SEC14L5: variants seen among roughly 807,000 people sequenced by gnomAD.
SEC14L5 encodes the protein SEC14-like protein 5.
Under a neutral mutation model 84.6 loss-of-function variants are expected in SEC14L5, and 96 were observed. The observed-to-expected ratio is 1.13, with a 90% confidence interval of 0.96 to 1.34. The LOEUF is 1.34. Ranked by LOEUF, SEC14L5 falls within the 40% of genes most tolerant of loss-of-function variation. SEC14L5 has a pLI of 0.00. For synonymous variants in SEC14L5, 546 were observed against 383.4 expected, an observed-to-expected ratio of 1.42 and a Z score of -4.95; for missense variants, 1,224 against 942.5, an observed-to-expected ratio of 1.30 and a Z score of -3.91.
intron 2 of SEC14L5, among the ~76,000 whole-genome samples, chr16:4,969,155 A>C (rs1444409169): frequency 6.6e-6 from 1 of 152,276 alleles, no homozygotes; most frequent in Non-Finnish European, 1.5e-5. Flanking sequence ...CTGGGAGAAC[A>C]GAGGTGATCC....
chr16:4,965,757 T>G (rs1178199855), intron 2 of SEC14L5, among the ~76,000 whole-genome samples: 1 of 147,146 alleles, frequency 6.8e-6, no homozygotes, highest in Non-Finnish European at 1.5e-5. Flanking sequence ...AAATTTTATT[T>G]AAGGCCAGTT....
At chr16:4,989,296 G>A (rs903452807) in intron 4 of SEC14L5, among the ~76,000 whole-genome samples, 7 of 136,946 alleles carry the variant, frequency 5.1e-5, no homozygotes, top group South Asian at 5.9e-4. Flanking sequence ...ACCATTGTAC[G>A]TGTTTTTTTT....
chr16:4,976,493 T>A (rs1955341692), intron 2 of SEC14L5, among the ~76,000 whole-genome samples: 1 of 152,254 alleles, frequency 6.6e-6, no homozygotes, highest in African/African-American at 2.4e-5. Flanking sequence ...TAGGCCCACC[T>A]GAGTGCTAGT....
rs927479008 is a variant in SEC14L5, at chr16:5,017,794, A to T, written c.*2824A>T. The stretch of plus-strand genomic sequence containing the variant: ...TCTCGGGGACCCACGTGGAAGCATT[A>T]TCAAGGTCATTCTTCTTGCCTTCGG... On this transcript the variant is annotated 3_prime_UTR_variant, in exon 16 of 16. Transcript: ENST00000251170. 6.6e-6 allele frequency: 1 copy of T among 152,082 alleles called. No homozygotes were observed. Among genetic ancestry groups the T allele is most frequent in the African/African-American group, 2.4e-5 (1 of 41,396 alleles). The allele number at this position is 152,082 out of a possible 1,614,324, so 9.4% of individuals were successfully genotyped here. A position where few individuals can be genotyped will look rare whatever the true frequency, so the allele number is the denominator to read the frequency against.
intron 1 of SEC14L5, 80 bp from the exon 2 acceptor site, chr16:4,959,193 G>T (rs1218685955): frequency 2.4e-5 from 17 of 710,180 alleles, no homozygotes; most frequent in Non-Finnish European, 4.1e-5. Context: ...GGGGCCAGGG[G>T]CTGCCCCTTA....
chr16:5,009,566 C>G (rs1955776077), intron 14 of SEC14L5, among the ~76,000 whole-genome samples: 1 of 152,128 alleles, frequency 6.6e-6, no homozygotes, highest in African/African-American at 2.4e-5. Flanking sequence ...TCAAGCGATC[C>G]TCCTGCTTCA....
chr16:4,992,098 C>A (rs1428087616), intron 6 of SEC14L5, 68 bp downstream of exon 6: 2 of 1,148,124 alleles, frequency 1.7e-6, no homozygotes, highest in East Asian at 2.7e-5. Context: ...CCATGGGGGG[C>A]CCTGGGGCAT....
intron 2 of SEC14L5, among the ~76,000 whole-genome samples, chr16:4,974,243 G>A (rs1568111749): frequency 6.6e-6 from 1 of 152,120 alleles, no homozygotes; most frequent in East Asian, 1.9e-4. Flanking sequence ...TTTGAGACAG[G>A]GTCTCTCTGT....
chr16:4,988,259 G>C lies in SEC14L5; in HGVS notation c.324G>C (p.Val108=). ...HNETFANRVV[V]NEHCSYTVHP... The stretch of plus-strand genomic sequence containing the variant: ...AGACCTTCGCCAACCGCGTGGTGGT[G>C]AACGAGCACTGCAGCTACACGGTGA... The change falls in exon 4 of 16, where the codon GTG becomes GTC. Residue 108 remains valine (V), a synonymous_variant. Coordinates refer to ENST00000251170, the MANE Select transcript of SEC14L5 (RefSeq NM_014692.2). 6.2e-7 allele frequency: 1 copy of C among 1,613,778 alleles called. No individual in the cohort carries two copies. The highest frequency in any genetic ancestry group is 8.5e-7 in the Non-Finnish European group (1 of 1,179,784).
chr16:4,989,339 G>GTT (rs1204629717), intron 4 of SEC14L5, among the ~76,000 whole-genome samples: 3 of 85,020 alleles, frequency 3.5e-5, no homozygotes, highest in Non-Finnish European at 2.4e-5. Flanking sequence ...TTTTTTTTTT[G>GTT]TTTGTTTTTT....
At chr16:5,011,043 G>T in intron 14 of SEC14L5, 52 bp from the exon 15 acceptor site, 2 of 1,527,812 alleles carry the variant, frequency 1.3e-6, no homozygotes, top group South Asian at 1.2e-5. Flanking sequence ...CAGCCTCCTT[G>T]ACCTGTCCTC....
Position 5,015,882 on chromosome 16 carries a change from G to C in SEC14L5, c.*912G>C, listed in dbSNP as rs1203733853. The C allele has an allele frequency of 6.6e-6, 1 of 152,334 alleles. No individual in the cohort carries two copies. Among genetic ancestry groups the C allele is most frequent in the Non-Finnish European group, 1.5e-5 (1 of 68,116 alleles). 9.4% of individuals were successfully genotyped at this position (152,334 alleles called of 1,614,324 possible). A position where few individuals can be genotyped will look rare whatever the true frequency, so the allele number is the denominator to read the frequency against. Reference sequence around the variant, plus strand: ...AGCCTGACCATCCCTGATTGGAGAGGGTGGGAGAGCCCTGGGTTTCTGCTA... The same window carrying C: ...AGCCTGACCATCCCTGATTGGAGAGCGTGGGAGAGCCCTGGGTTTCTGCTA... On this transcript the variant is annotated 3_prime_UTR_variant, in exon 16 of 16. Coordinates refer to ENST00000251170, the MANE Select transcript of SEC14L5 (RefSeq NM_014692.2).
At chr16:4,959,141 A>G (rs1389671373) in intron 1 of SEC14L5, 132 bp from the exon 2 acceptor site, 4 of 611,470 alleles carry the variant, frequency 6.5e-6, no homozygotes, top group Non-Finnish European at 1.2e-5. Flanking sequence ...TTTGGGGGGA[A>G]TATCAGCCTT....
intron 6 of SEC14L5, among the ~76,000 whole-genome samples, chr16:4,994,913 C>T (rs1955593178): frequency 6.6e-6 from 1 of 152,160 alleles, no homozygotes; most frequent in African/African-American, 2.4e-5. Context: ...AAAGCCTTCA[C>T]ATCTGCCCGG....
chr16:5,004,708 C>G (rs1955712438), intron 11 of SEC14L5, among the ~76,000 whole-genome samples: 1 of 152,202 alleles, frequency 6.6e-6, no homozygotes, highest in Non-Finnish European at 1.5e-5. Context: ...TCACCTATCT[C>G]TTGGCTTGTG....
chr16:5,003,034 C>G (rs532639112), intron 10 of SEC14L5, among the ~76,000 whole-genome samples: 3 of 152,318 alleles, frequency 2.0e-5, no homozygotes, highest in East Asian at 3.9e-4. Context: ...TTGTGATAAC[C>G]AGCTATAATT....
rs1227499390 is a variant in SEC14L5, at chr16:4,967,547, A to C, written c.63+8161A>C. 2.4e-5 allele frequency among the ~76,000 whole-genome samples: 3 copies of C among 125,898 alleles called. No individual in the cohort carries two copies. The East Asian group carries it at 7.2e-4, about 30-fold the overall frequency. The allele number at this position is 125,898 out of a possible 152,430, so 82.6% of individuals were successfully genotyped here. A position where few individuals can be genotyped will look rare whatever the true frequency, so the allele number is the denominator to read the frequency against. ...CCAGACTTTCCGGATTCTGGCTCTG[A>C]CTTTTCTTTCTTTCGTTTTTTTTTT... On this transcript the variant is annotated intron_variant, in intron 2 of 15. Coordinates refer to ENST00000251170, the MANE Select transcript of SEC14L5 (RefSeq NM_014692.2).
At chr16:5,010,038 T>C (rs1568153202) in intron 14 of SEC14L5, among the ~76,000 whole-genome samples, 1 of 151,794 alleles carries the variant, frequency 6.6e-6, no homozygotes, top group African/African-American at 2.4e-5. Flanking sequence ...TCAGAACTGA[T>C]GCAAAAGAAA....
At chr16:5,013,594 T>TGTCACCCA (rs1955833161) in intron 15 of SEC14L5, among the ~76,000 whole-genome samples, 1 of 128,514 alleles carries the variant, frequency 7.8e-6, no homozygotes, top group East Asian at 2.4e-4. Flanking sequence ...GGTTTCACTC[T>TGTCACCCA]GTCACCCAGG....
Sources: allele counts gnomAD v4.1 joint callset (sites outside exome capture counted in the v4.1 genomes callset), GRCh38; gene constraint gnomAD v4.1.1; transcripts MANE v1.5; gene names NCBI Gene and HGNC (gene_info 2026-07-23, HGNC 2026-07-21).